The following SLIT3 variants were observed in gnomAD, a reference collection of about 807,000 sequenced individuals.
The protein encoded by SLIT3 is slit homolog 3 protein.
Under a neutral mutation model 184.0 loss-of-function variants are expected in SLIT3, and 68 were observed. The observed-to-expected ratio is 0.37, with a 90% CI of 0.30 to 0.45. SLIT3 has a LOEUF of 0.45. Among genes scored for constraint, SLIT3 ranks in the 20% least tolerant of loss-of-function variants. SLIT3 has a pLI of 1.00. For missense variants in SLIT3, 1,707 were observed against 2,026.0 expected (o/e 0.84, Z 3.02); for synonymous variants, 831 against 828.6 (o/e 1.00, Z -0.05).
intron 4 of SLIT3, among the ~76,000 whole-genome samples, chr5:169,134,178 A>G (rs917525367): frequency 6.6e-6 from 1 of 152,226 alleles, no homozygotes; most frequent in Non-Finnish European, 1.5e-5. Context: ...CATGGTAGCC[A>G]ACAGGATATT....
intron 5 of SLIT3, among the ~76,000 whole-genome samples, chr5:168,865,045 G>C (rs1182869003): frequency 6.6e-6 from 1 of 152,044 alleles, no homozygotes; most frequent in Non-Finnish European, 1.5e-5. Context: ...GTGGACACCT[G>C]TAATCCCAGC....
At chr5:169,144,822 GC>G (rs1761874588) in intron 4 of SLIT3, among the ~76,000 whole-genome samples, 1 of 152,166 alleles carries the variant, frequency 6.6e-6, no homozygotes, top group African/African-American at 2.4e-5. Context: ...TTTGTCCTAA[GC>G]CCTACCCTGC....
chr5:168,849,096 A>G (rs1758583860), intron 5 of SLIT3, among the ~76,000 whole-genome samples: 2 of 152,224 alleles, frequency 1.3e-5, no homozygotes, highest in African/African-American at 4.8e-5. Context: ...TCAATGATGC[A>G]TTTAAGTCCC....
chr5:168,907,979 T>TATATAGAGAGAGAGAGAG (rs376418381), intron 4 of SLIT3, among the ~76,000 whole-genome samples: 14 of 50,074 alleles, frequency 2.8e-4, no homozygotes, highest in African/African-American at 3.7e-4. Context: ...TATATATATA[T>TATATAGAGAGAGAGAGAG]AGAGAGAGAG....
At chr5:168,848,401 T>C (rs912009271) in intron 5 of SLIT3, among the ~76,000 whole-genome samples, 3 of 152,078 alleles carry the variant, frequency 2.0e-5, no homozygotes, top group African/African-American at 7.2e-5. Context: ...AAAACAAGAT[T>C]TCTATGGGTC....
At chr5:169,187,111 G>GCTTTTTTT (rs1763371798) in intron 4 of SLIT3, among the ~76,000 whole-genome samples, 1 of 94,418 alleles carries the variant, frequency 1.1e-5, no homozygotes, top group Admixed American at 1.5e-4. Context: ...GCAGCTATAG[G>GCTTTTTTT]TTTTTTTTTT....
intron 4 of SLIT3, among the ~76,000 whole-genome samples, chr5:169,095,371 C>A (rs1331371825): frequency 6.6e-6 from 1 of 152,128 alleles, no homozygotes; most frequent in Non-Finnish European, 1.5e-5. Context: ...GGCATTTTCA[C>A]CCCTAATGAA....
intron 4 of SLIT3, among the ~76,000 whole-genome samples, chr5:169,082,642 G>T (rs1759117616): frequency 1.3e-5 from 2 of 152,102 alleles, no homozygotes; most frequent in Admixed American, 6.5e-5. Context: ...AGGAATGACC[G>T]CATCAGAACC....
At chr5:169,088,280 G>A (rs942701695) in intron 4 of SLIT3, among the ~76,000 whole-genome samples, 1 of 152,140 alleles carries the variant, frequency 6.6e-6, no homozygotes, top group Admixed American at 6.5e-5. Context: ...TTAGCCAGGT[G>A]GTTCACGGTG....
intron 4 of SLIT3, among the ~76,000 whole-genome samples, chr5:168,972,337 ATGTGTGTGTGTGTG>A (rs60588036): frequency 5.1e-5 from 6 of 118,248 alleles, no homozygotes; most frequent in South Asian, 2.9e-4. Flanking sequence ...GCAGGACAAC[ATGTGTGTGTGTGTG>A]TGTGTGTGTG....
In SLIT3 at chr5:169,144,281, C is replaced by T. The variant is rs544115918; in HGVS notation, c.413+49198G>A. Among the ~76,000 whole-genome samples, 14 of 152,094 alleles carry T rather than the reference C, an allele frequency of 9.2e-5. 1 individual carries two copies. The highest frequency in any genetic ancestry group is 7.8e-4 in the Admixed American group (12 of 15,296). On this transcript the variant is annotated intron_variant, in intron 4 of 35. Coordinates refer to ENST00000519560, the MANE Select transcript of SLIT3 (RefSeq NM_003062.4). ...GAATGCTCCTTCCCTCCCATGTTTA[C>T]CTTGCTGAGTTCCACTCCCGATCTC...
At chr5:169,252,959 C>A (rs1432223691) in intron 1 of SLIT3, among the ~76,000 whole-genome samples, 1 of 152,114 alleles carries the variant, frequency 6.6e-6, no homozygotes, top group Non-Finnish European at 1.5e-5. Context: ...CACACAGGTA[C>A]CTCCTCCTTT....
intron 2 of SLIT3, 82 bp from the exon 3 acceptor site, chr5:169,244,858 G>A: frequency 1.7e-6 from 2 of 1,191,360 alleles, no homozygotes; most frequent in Non-Finnish European, 2.5e-6. Flanking sequence ...ATGCAGGCAT[G>A]GTCACTCAGC....
intron 25 of SLIT3, among the ~76,000 whole-genome samples, chr5:168,710,647 G>A (rs1319458948): frequency 6.6e-6 from 1 of 152,110 alleles, no homozygotes; most frequent in African/African-American, 2.4e-5. Flanking sequence ...GGAAAGACAT[G>A]TACAGAAAGA....
intron 5 of SLIT3, among the ~76,000 whole-genome samples, chr5:168,882,011 G>T (rs1016565580): frequency 1.3e-5 from 2 of 152,130 alleles, no homozygotes; most frequent in African/African-American, 4.8e-5. Flanking sequence ...CCCCAGAGAC[G>T]CCTCTGCCCT....
chr5:169,061,616 A>T (rs900074561), intron 4 of SLIT3, among the ~76,000 whole-genome samples: 2 of 152,108 alleles, frequency 1.3e-5, no homozygotes, highest in Non-Finnish European at 2.9e-5. Context: ...GCTCTAACTG[A>T]GCCATGCCCA....
At chr5:169,139,355 A>G (rs551437751) in intron 4 of SLIT3, among the ~76,000 whole-genome samples, 1 of 152,342 alleles carries the variant, frequency 6.6e-6, no homozygotes, top group African/African-American at 2.4e-5. Flanking sequence ...TTTATTGAGA[A>G]TTTACTACGC....
intron 20 of SLIT3, among the ~76,000 whole-genome samples, chr5:168,730,665 A>G (rs1165751069): frequency 6.6e-6 from 1 of 151,998 alleles, no homozygotes; most frequent in Non-Finnish European, 1.5e-5. Flanking sequence ...AATTAAAAAA[A>G]AATCCAAATG....
At chr5:168,973,369 T>C (rs965606631) in intron 4 of SLIT3, among the ~76,000 whole-genome samples, 1 of 152,146 alleles carries the variant, frequency 6.6e-6, no homozygotes, top group Non-Finnish European at 1.5e-5. Flanking sequence ...TACCTCAGCC[T>C]CCTGAGTAGC....
Sources: gnomAD v4.1 joint callset for allele counts (sites outside exome capture counted in the v4.1 genomes callset) on GRCh38, gnomAD v4.1.1 for gene constraint, MANE v1.5 for transcripts, NCBI Gene and HGNC (gene_info 2026-07-23, HGNC 2026-07-21) for gene names.